Variants in SEC14L1 observed in about 807,000 individuals in gnomAD.
SEC14L1 encodes SEC14 like lipid binding 1, also known as SEC14-like protein 1.
SEC14L1 carries 48 observed loss-of-function variants against 85.3 expected under a neutral mutation model. The observed-to-expected ratio is 0.56, with a 90% CI of 0.45 to 0.72. The LOEUF is 0.72. Ranked by LOEUF, SEC14L1 falls within the 30% of genes least tolerant of loss-of-function variation. The pLI is 0.00. For synonymous variants in SEC14L1, 391 were observed against 355.5 expected (o/e 1.10, Z -1.12); for missense variants, 682 against 921.4 (o/e 0.74, Z 3.36).
At chr17:77,205,105 T>C (rs2143156364) in intron 10 of SEC14L1, 171 bp from the exon 11 acceptor site, 1 of 587,714 alleles carries the variant, frequency 1.7e-6, no homozygotes, top group East Asian at 2.9e-5. Context: ...ATTTATTTGT[T>C]GGTGGTGATG....
rs896968901 is a variant in SEC14L1, at chr17:77,192,993, A to G, written c.346-428A>G. Among the ~76,000 whole-genome samples, 93 of 152,186 alleles carry G rather than the reference A, an allele frequency of 6.1e-4. 1 individual carries two copies. Among genetic ancestry groups the G allele is most frequent in the African/African-American group, 2.1e-3 (88 of 41,528 alleles). On this transcript the variant is annotated intron_variant, in intron 5 of 16. Transcript: ENST00000436233. ...CCTGGTTCTTTTAGCCTGTGCTCCA[A>G]GTTTTCTTTTTTCCATAGCACTTAC...
At chr17:77,205,486 C>A in intron 11 of SEC14L1, 140 bp downstream of exon 11, 1 of 753,538 alleles carries the variant, frequency 1.3e-6, no homozygotes, top group Non-Finnish European at 2.3e-6. Flanking sequence ...ATGTAATATG[C>A]CAGTGACGAG....
intron 3 of SEC14L1, among the ~76,000 whole-genome samples, chr17:77,116,594 C>T (rs1355897600): frequency 6.6e-6 from 1 of 152,062 alleles, no homozygotes; most frequent in African/African-American, 2.4e-5. Context: ...GTTTTCAGCC[C>T]CTGGCTCTTG....
chr17:77,206,597 CT>C lies in SEC14L1; in HGVS notation c.1342-128del. 2 of 1,260,124 alleles carry C rather than the reference CT, an allele frequency of 1.6e-6. No homozygotes were observed. The highest frequency in any genetic ancestry group is 4.7e-5 in the East Asian group (2 of 42,734). The allele number at this position is 1,260,124 out of a possible 1,614,324, so 78.1% of individuals were successfully genotyped here. A position where few individuals can be genotyped will look rare whatever the true frequency, so the allele number is the denominator to read the frequency against. ...AGTGTCCTAATGCCATGCAAATAGA[CT>C]TTACAGAAGAAGTATATAAACTTGA... On this transcript the variant is annotated intron_variant, in intron 12 of 16. Coordinates refer to ENST00000436233, the MANE Select transcript of SEC14L1 (RefSeq NM_001143998.2). The surrounding 1 kb of genome is among the most constrained non-coding windows in gnomAD (Gnocchi z 4.3).
intron 3 of SEC14L1, among the ~76,000 whole-genome samples, chr17:77,155,200 C>G (rs1382924933): frequency 6.6e-6 from 1 of 152,130 alleles, no homozygotes; most frequent in Non-Finnish European, 1.5e-5. Context: ...TTCCAAACTC[C>G]AAGCCAGGTG....
At position 77,200,464 on chromosome 17, in the gene SEC14L1, A is replaced by G. The variant is rs2143107622; in HGVS notation, c.820-20A>G. The stretch of plus-strand genomic sequence containing the variant: ...TCACAACTTTTAACATTGCTTAGAA[A>G]TGTCTTTTTCTCTTAATAGATTCCA... On this transcript the variant is annotated intron_variant, in intron 8 of 16. Transcript: ENST00000436233. 3 of 1,604,964 alleles carry G rather than the reference A, an allele frequency of 1.9e-6. No homozygotes were observed. Among genetic ancestry groups the G allele is most frequent in the Non-Finnish European group, 2.6e-6 (3 of 1,173,750 alleles).
At chr17:77,185,638 T>G (rs1342802370) in intron 3 of SEC14L1, among the ~76,000 whole-genome samples, 1 of 152,226 alleles carries the variant, frequency 6.6e-6, no homozygotes, top group Non-Finnish European at 1.5e-5. Flanking sequence ...TTGAAACCTT[T>G]GTAAGTCTCA....
At chr17:77,127,573 C>A (rs1972488238) in intron 3 of SEC14L1, among the ~76,000 whole-genome samples, 1 of 152,072 alleles carries the variant, frequency 6.6e-6, no homozygotes, top group Non-Finnish European at 1.5e-5. Flanking sequence ...TGGTCTCGAA[C>A]TTCCGACCAC....
chr17:77,204,108 G>C (rs1464233552), intron 10 of SEC14L1, among the ~76,000 whole-genome samples: 1 of 152,174 alleles, frequency 6.6e-6, no homozygotes, highest in South Asian at 2.1e-4. Context: ...ATTGGCAGCT[G>C]TGCTTCCCCC....
At chr17:77,159,105 C>T (rs1321488725) in intron 3 of SEC14L1, among the ~76,000 whole-genome samples, 4 of 150,248 alleles carry the variant, frequency 2.7e-5, no homozygotes, top group Non-Finnish European at 5.9e-5. Context: ...TTCACTCTGT[C>T]ACCCAGGCTG....
intron 7 of SEC14L1, among the ~76,000 whole-genome samples, chr17:77,195,527 G>A (rs1024254106): frequency 6.6e-6 from 1 of 151,798 alleles, no homozygotes; most frequent in Non-Finnish European, 1.5e-5. Flanking sequence ...AGTCTCTGTC[G>A]CCCAGGCTGC....
At chr17:77,199,366 G>A (rs1975996339) in intron 8 of SEC14L1, 2 of 159,366 alleles carry the variant, frequency 1.3e-5, no homozygotes, top group South Asian at 1.6e-4. Context: ...CTCACTCCAG[G>A]TGATGCTTTT....
chr17:77,114,935 A>G (rs1011121065), intron 3 of SEC14L1, among the ~76,000 whole-genome samples: 1 of 151,676 alleles, frequency 6.6e-6, no homozygotes, highest in Admixed American at 6.6e-5. Context: ...TAGCAGGAAC[A>G]CAGGTCTCTT....
chr17:77,183,558 G>T (rs1302454617), intron 3 of SEC14L1, among the ~76,000 whole-genome samples: 1 of 152,202 alleles, frequency 6.6e-6, no homozygotes, highest in Non-Finnish European at 1.5e-5. Context: ...GAGCCAGGAG[G>T]CGGAGGATGC....
intron 2 of SEC14L1, among the ~76,000 whole-genome samples, chr17:77,092,530 G>A (rs1029410653): frequency 6.6e-6 from 1 of 152,146 alleles, no homozygotes; most frequent in African/African-American, 2.4e-5. Flanking sequence ...GGGAAGAAAA[G>A]TAAAGTTGGA....
Position 77,194,825 on chromosome 17 carries a change from T to G in SEC14L1, c.623T>G (p.Ile208Ser). The G allele has an allele frequency of 6.2e-7, 1 of 1,614,224 alleles. No individual in the cohort carries two copies. The highest frequency in any genetic ancestry group is 1.1e-5 in the South Asian group (1 of 91,082). ...KKQAASMAVV[I>S]PEAALKEGLS... ...CAAGCAGCGTCCATGGCCGTCGTCA[T>G]CCCAGAAGCTGCCCTCAAGGAGGGG... The change falls in exon 7 of 17, where the codon ATC (isoleucine) becomes AGC (serine). Residue 208 changes from isoleucine to serine, a missense_variant. This residue lies in a region of SEC14L1 where 123 missense variants were observed against 100.6 expected (regional missense o/e 1.22). Transcript: ENST00000436233.
chr17:77,149,540 T>A (rs1028239505), intron 3 of SEC14L1, among the ~76,000 whole-genome samples: 3 of 152,052 alleles, frequency 2.0e-5, no homozygotes, highest in African/African-American at 4.8e-5. Flanking sequence ...TATAAAAAAA[T>A]AAAATTAAAA....
At chr17:77,136,294 T>C (rs779710396), upstream of SEC14L1, among the ~76,000 whole-genome samples, 1 of 151,582 alleles carries the variant, frequency 6.6e-6, no homozygotes, top group Non-Finnish European at 1.5e-5. Flanking sequence ...CCTTTCTTTC[T>C]CTCATCCTCA....
At position 77,151,159 on chromosome 17, in the gene SEC14L1, CT is replaced by C; in HGVS notation, c.63+7502del. On this transcript the variant is annotated intron_variant, in intron 3 of 16. Transcript: ENST00000436233. ...GCAATCTACTTTTTGGGGTAGGTGA[CT>C]TAAAACCCAACTTTGTTCAAGTCTG... Among the ~76,000 whole-genome samples the C allele has an allele frequency of 2.0e-5, 3 of 152,260 alleles. 1 individual carries two copies. The highest frequency in any genetic ancestry group is 2.0e-4 in the Admixed American group (3 of 15,288).
Sources: gnomAD v4.1 joint callset for allele counts (sites outside exome capture counted in the v4.1 genomes callset) on GRCh38, gnomAD v4.1.1 for gene constraint, gnomAD v4.1.1 regional missense constraint, Gnocchi (gnomAD v3.1) non-coding constraint, MANE v1.5 for transcripts, NCBI Gene and HGNC (gene_info 2026-07-23, HGNC 2026-07-21) for gene names.